RBFOX2: variants seen among roughly 807,000 people sequenced by gnomAD.
The protein encoded by RBFOX2 is RNA binding fox-1 homolog 2, also known as RNA binding protein fox-1 homolog 2.
A neutral mutation model predicts 49.1 loss-of-function variants in RBFOX2; 10 were observed. The ratio of observed to expected loss-of-function variants is 0.20; its 90% CI spans 0.13 to 0.35. The LOEUF is 0.35. Ranked by LOEUF, RBFOX2 falls within the 10% of genes least tolerant of loss-of-function variation. The pLI is 1.00. For synonymous variants in RBFOX2, 183 were observed against 187.4 expected (o/e 0.98, Z 0.19); for missense variants, 323 against 486.9 (o/e 0.66, Z 3.17).
chr22:35,775,563 G>T (rs542113811), intron 4 of RBFOX2, among the ~76,000 whole-genome samples: 4 of 152,238 alleles, frequency 2.6e-5, no homozygotes, highest in African/African-American at 9.6e-5. Context: ...GTGGGGCCAG[G>T]ATGCAGTGGC....
At chr22:35,881,559 G>T (rs554405847) in intron 1 of RBFOX2, among the ~76,000 whole-genome samples, 1 of 146,556 alleles carries the variant, frequency 6.8e-6, no homozygotes, top group South Asian at 2.2e-4. Flanking sequence ...TCCAGCCTGG[G>T]CAACAGAATG....
Position 35,986,349 on chromosome 22 carries a change from T to C in RBFOX2, c.186+41891A>G, listed in dbSNP as rs569460689. Among the ~76,000 whole-genome samples, 8 of 152,180 alleles carry C rather than the reference T, an allele frequency of 5.3e-5. No homozygotes were observed. In the South Asian group the frequency reaches 1.5e-3, roughly 28 times the overall value. Reference sequence around the variant, plus strand: ...AGACTCCCTGATTCACTTAACAAAGTCCTGTCAAGCACAAACTGAGACCCA... The same window carrying C: ...AGACTCCCTGATTCACTTAACAAAGCCCTGTCAAGCACAAACTGAGACCCA... On this transcript the variant is annotated intron_variant, in intron 1 of 13. Coordinates refer to the RBFOX2 transcript ENST00000438146.
intron 4 of RBFOX2, among the ~76,000 whole-genome samples, chr22:35,769,499 T>C (rs1942043961): frequency 6.6e-6 from 1 of 152,190 alleles, no homozygotes; most frequent in Non-Finnish European, 1.5e-5. Flanking sequence ...TTCACTTCAT[T>C]CTAGGTGCTC....
chr22:35,743,980 A>C (rs1217933183), exon 12 of RBFOX2: 2 of 420,878 alleles, frequency 4.8e-6, no homozygotes, highest in Admixed American at 4.4e-5. Flanking sequence ...AAAATGCACA[A>C]TCTTTGGAAC....
chr22:35,822,104 A>G (rs1035519877), intron 1 of RBFOX2: 42 of 427,964 alleles, frequency 9.8e-5, no homozygotes, highest in Middle Eastern at 3.4e-4. Flanking sequence ...GTACTCCCCA[A>G]TAAAGTGTTA....
chr22:35,888,264 G>A (rs1049683114), intron 1 of RBFOX2, among the ~76,000 whole-genome samples: 2 of 152,116 alleles, frequency 1.3e-5, no homozygotes, highest in Middle Eastern at 3.4e-3. Context: ...ATTTTTTTGA[G>A]ATTACTATTT....
rs896517473 is a variant in RBFOX2 at position 36,003,450 on chromosome 22, G to C, written c.186+24790C>G. 3.0e-4 allele frequency among the ~76,000 whole-genome samples: 45 copies of C among 152,116 alleles called. 1 individual carries two copies. The highest frequency in any genetic ancestry group is 6.0e-4 in the Non-Finnish European group (41 of 68,030). The stretch of plus-strand genomic sequence containing the variant: ...AAACTTCTTAGCGTGGCATAAAAAA[G>C]GGGGAAAAAATTAGATGTAGGGAAG... On this transcript the variant is annotated intron_variant, in intron 1 of 13. Coordinates refer to the RBFOX2 transcript ENST00000438146.
chr22:35,767,400 A>G (rs1750204848), intron 5 of RBFOX2, among the ~76,000 whole-genome samples: 1 of 152,158 alleles, frequency 6.6e-6, no homozygotes, highest in African/African-American at 2.4e-5. Flanking sequence ...CATTGTGTAT[A>G]GTTACCATGG....
upstream of RBFOX2, among the ~76,000 whole-genome samples, chr22:35,943,222 G>C (rs1037310987): frequency 1.2e-4 from 18 of 152,206 alleles, no homozygotes; most frequent in Admixed American, 4.6e-4. Flanking sequence ...GGTCAGAGAT[G>C]ATTATGATTA....
upstream of RBFOX2, among the ~76,000 whole-genome samples, chr22:35,939,426 TTTTA>T (rs2053469915): frequency 6.6e-6 from 1 of 152,160 alleles, no homozygotes; most frequent in African/African-American, 2.4e-5. Flanking sequence ...GTTTTTACTT[TTTTA>T]TTTATTTATT....
In RBFOX2 at chr22:35,759,738, T is replaced by C. The variant is rs1253025248; in HGVS notation, c.887+150A>G. 3 of 1,088,094 alleles carry C rather than the reference T, an allele frequency of 2.8e-6. No individual in the cohort carries two copies. Among genetic ancestry groups the C allele is most frequent in the Non-Finnish European group, 3.9e-6 (3 of 766,916 alleles). The allele number at this position is 1,088,094 out of a possible 1,614,324, so 67.4% of individuals were successfully genotyped here. ...TTCTGATGATGGTATATTTTGTTTT[T>C]TGTCATCTAATCTGTTAATTTGCAA... On this transcript the variant is annotated intron_variant, in intron 9 of 11. Transcript: ENST00000405409. This position sits in a 1 kb window ranked among gnomAD's most constrained non-coding sequence, Gnocchi z 4.6.
intron 6 of RBFOX2, among the ~76,000 whole-genome samples, chr22:35,763,572 A>G (rs954062256): frequency 4.6e-5 from 7 of 152,224 alleles, no homozygotes; most frequent in African/African-American, 1.7e-4. Flanking sequence ...AACAAAAACA[A>G]AAATCAATAT....
At chr22:35,744,106 C>A in exon 12 of RBFOX2, 1 of 1,060,214 alleles carries the variant, frequency 9.4e-7, no homozygotes, top group South Asian at 2.5e-5. Context: ...TTTGTTTTTC[C>A]TCTTCATCTT....
chr22:35,865,891 A>G (rs993321690), intron 1 of RBFOX2, among the ~76,000 whole-genome samples: 3 of 152,210 alleles, frequency 2.0e-5, no homozygotes, highest in African/African-American at 4.8e-5. Context: ...CTATGCCATG[A>G]ATAACAGCAA....
chr22:35,845,514 C>T (rs1457089212), upstream of RBFOX2, among the ~76,000 whole-genome samples: 1 of 151,926 alleles, frequency 6.6e-6, no homozygotes, highest in Non-Finnish European at 1.5e-5. Flanking sequence ...AGCACAAAAC[C>T]ACAAATAACA....
chr22:35,822,426 T>C lies in RBFOX2; in HGVS notation c.28-12422A>G, dbSNP rs572949627. 2.0e-5 allele frequency among the ~76,000 whole-genome samples: 3 copies of C among 152,318 alleles called. No individual in the cohort carries two copies. In the South Asian group the frequency reaches 6.2e-4, roughly 32 times the overall value. ...TGTTTCCTGCATTATCTTTTGCCCCTAGGTTCAGGTTTTCTTTTTGTTTTT... is the reference window on the plus strand; with the variant it reads ...TGTTTCCTGCATTATCTTTTGCCCCCAGGTTCAGGTTTTCTTTTTGTTTTT... On this transcript the variant is annotated intron_variant, in intron 1 of 11. Transcript: ENST00000405409.
At chr22:36,014,117 C>A (rs886855107) in intron 1 of RBFOX2, among the ~76,000 whole-genome samples, 1 of 150,284 alleles carries the variant, frequency 6.7e-6, no homozygotes, top group African/African-American at 2.4e-5. Flanking sequence ...TACCTATTAT[C>A]ATTTCTTTTT....
At chr22:35,908,529 C>CAA (rs2049386355) in intron 1 of RBFOX2, among the ~76,000 whole-genome samples, 1 of 152,138 alleles carries the variant, frequency 6.6e-6, no homozygotes, top group African/African-American at 2.4e-5. Context: ...AATGGGTACT[C>CAA]AGATGGTTTC....
At chr22:35,968,793 T>C (rs1485182212) in intron 1 of RBFOX2, among the ~76,000 whole-genome samples, 6 of 152,192 alleles carry the variant, frequency 3.9e-5, no homozygotes, top group East Asian at 1.9e-4. Flanking sequence ...CTCAGTCGAA[T>C]TGGAGAAAAA....
Sources: gnomAD v4.1 joint callset for allele counts (sites outside exome capture counted in the v4.1 genomes callset) on GRCh38, gnomAD v4.1.1 for gene constraint, Gnocchi (gnomAD v3.1) non-coding constraint, MANE v1.5 for transcripts, NCBI Gene and HGNC (gene_info 2026-07-23, HGNC 2026-07-21) for gene names.